Variants in TRPM4 observed in about 807,000 individuals in gnomAD.
TRPM4 encodes the protein transient receptor potential cation channel subfamily M member 4.
TRPM4 carries 124 observed loss-of-function variants against 135.6 expected under a neutral mutation model. That is an observed-to-expected ratio of 0.91 (90% CI 0.79 to 1.06). TRPM4 has a LOEUF of 1.06. Among genes scored for constraint, TRPM4 ranks in the 50% least tolerant of loss-of-function variants. The pLI, the probability that TRPM4 is intolerant of heterozygous loss-of-function variation, is 0.00. For synonymous variants in TRPM4, 745 were observed against 705.6 expected, an observed-to-expected ratio of 1.06 and a Z score of -0.88; for missense variants, 1,658 against 1,671.4, an observed-to-expected ratio of 0.99 and a Z score of 0.14.
rs754390829 is a variant in TRPM4 at position 49,171,335 on chromosome 19, C to T, written c.797-22C>T. On this transcript the variant is annotated intron_variant, in intron 6 of 24. Transcript: ENST00000252826. The surrounding 1 kb of genome is among the most constrained non-coding windows in gnomAD (Gnocchi z 4.7). The stretch of plus-strand genomic sequence containing the variant: ...CAAAGGCTGATGGGAGGTAATCAAG[C>T]CCCCTTCTCTTCTTGCCTCAGGGAC... 6.2e-7 allele frequency: 1 copy of T among 1,614,054 alleles called. No homozygotes were observed. The highest frequency in any genetic ancestry group is 1.1e-5 in the South Asian group (1 of 91,078).
chr19:49,164,260 T>C (rs1306979139), intron 2 of TRPM4, among the ~76,000 whole-genome samples: 1 of 148,748 alleles, frequency 6.7e-6, no homozygotes, highest in Non-Finnish European at 1.5e-5. Context: ...TCTCTTTCTC[T>C]TTCTTTCTCT....
chr19:49,183,321 G>GCGCC, intron 12 of TRPM4, 109 bp downstream of exon 12: 1 of 1,455,340 alleles, frequency 6.9e-7, no homozygotes, highest in South Asian at 1.2e-5. Flanking sequence ...CACCTGACAG[G>GCGCC]CGCCCCATCC....
intron 9 of TRPM4, among the ~76,000 whole-genome samples, chr19:49,180,817 C>T (rs1343880911): frequency 6.6e-6 from 1 of 151,930 alleles, no homozygotes; most frequent in African/African-American, 2.4e-5. Context: ...TCCATCTATC[C>T]ACCCTGTACA....
At position 49,169,009 on chromosome 19, in the gene TRPM4, C is replaced by CAATAAT. The variant is rs577879197; in HGVS notation, c.796+294_796+299dup. On this transcript the variant is annotated intron_variant, in intron 6 of 24. Transcript: ENST00000252826. ...TAACAGAGCAAGACCTTGTCTCTAC[C>CAATAAT]AATAATAATAATAATAATAATAATA... is the stretch of plus-strand genomic sequence containing the variant. 1.7e-3 allele frequency among the ~76,000 whole-genome samples: 249 copies of CAATAAT among 149,108 alleles called. 2 individuals carry two copies. In the South Asian group the frequency reaches 0.033, roughly 20 times the overall value.
Position 49,196,422 on chromosome 19 carries a change from T to A in TRPM4, c.2211-18T>A. 1 of 1,526,090 alleles carries A rather than the reference T, an allele frequency of 6.6e-7. No individual in the cohort carries two copies. The highest frequency in any genetic ancestry group is 8.8e-7 in the Non-Finnish European group (1 of 1,139,386). 94.5% of individuals were successfully genotyped at this position (1,526,090 alleles called of 1,614,324 possible). A position where few individuals can be genotyped will look rare whatever the true frequency, so the allele number is the denominator to read the frequency against. On this transcript the variant is annotated intron_variant, in intron 16 of 24. Coordinates refer to ENST00000252826, the MANE Select transcript of TRPM4 (RefSeq NM_017636.4). ...GGTCAGAGTGAGGCCTCCTCCCTTCTCTTCTCTTCCCCCACAGGACGGCGG... is the reference window on the plus strand; with the variant it reads ...GGTCAGAGTGAGGCCTCCTCCCTTCACTTCTCTTCCCCCACAGGACGGCGG...
intron 19 of TRPM4, among the ~76,000 whole-genome samples, chr19:49,201,290 A>G (rs1968926186): frequency 1.3e-5 from 2 of 152,142 alleles, no homozygotes; most frequent in Non-Finnish European, 2.9e-5. Context: ...GAAGTTTTTA[A>G]AAGAAGCGAA....
At chr19:49,172,759 T>C (rs1374881977) in intron 9 of TRPM4, among the ~76,000 whole-genome samples, 1 of 150,772 alleles carries the variant, frequency 6.6e-6, no homozygotes, top group Non-Finnish European at 1.5e-5. Flanking sequence ...CATTCACTCA[T>C]TCTTCCATCC....
intron 16 of TRPM4, among the ~76,000 whole-genome samples, chr19:49,194,068 T>C (rs1284228211): frequency 6.8e-6 from 1 of 148,006 alleles, no homozygotes; most frequent in Non-Finnish European, 1.5e-5. Context: ...CTACTTCTCC[T>C]CTTCATCCTC....
intron 6 of TRPM4, among the ~76,000 whole-genome samples, chr19:49,170,471 G>C (rs1324689868): frequency 1.3e-5 from 2 of 152,168 alleles, no homozygotes; most frequent in Non-Finnish European, 2.9e-5. Flanking sequence ...TTACAGGCAT[G>C]AGCCACCGCA....
Position 49,202,051 on chromosome 19 carries a change from A to C in TRPM4, c.3041A>C (p.Gln1014Pro). ...PGAQAGTCVSQYANWLVVLLL... is the reference protein window; with the variant it reads ...PGAQAGTCVSPYANWLVVLLL... Reference sequence around the variant, plus strand: ...GCCCAGGCGGGCACCTGCGTCTCCCAGTATGCCAACTGGCTGGTGGTGCTG... The same window carrying C: ...GCCCAGGCGGGCACCTGCGTCTCCCCGTATGCCAACTGGCTGGTGGTGCTG... The change falls in exon 20 of 25, where the codon CAG becomes CCG. Residue 1014 changes from glutamine to proline, a missense_variant. Gln to Pro is a moderately conservative substitution (Grantham distance 76). This residue lies in a region of TRPM4 where 1,412 missense variants were observed against 1,408.7 expected (regional missense o/e 1.00). Transcript: ENST00000252826. 6.2e-7 allele frequency: 1 copy of C among 1,613,998 alleles called. No individual in the cohort carries two copies. The highest frequency in any genetic ancestry group is 8.5e-7 in the Non-Finnish European group (1 of 1,180,020).
Position 49,167,939 on chromosome 19 carries a change from C to T in TRPM4, c.290C>T (p.Thr97Met), listed in dbSNP as rs570570457. Residue 97 changes from threonine to methionine, a missense_variant, in exon 4 of 25, where the codon ACG (threonine) becomes ATG (methionine). By Grantham distance (81) the Thr-to-Met change is moderately conservative (BLOSUM62 -1). Around this residue, in one of 3 missense-constraint regions of TRPM4, gnomAD observed 239 missense variants for 240.1 expected, o/e 1.00. Transcript: ENST00000252826. Reference sequence around the variant, plus strand: ...CAGTTCCTCCGGCTCTCTGACCGAACGGATCCAGCTGCAGTTTATAGTCTG... The same window carrying T: ...CAGTTCCTCCGGCTCTCTGACCGAATGGATCCAGCTGCAGTTTATAGTCTG... Reference protein sequence around the residue: ...HSNFLRLSDRTDPAAVYSLVT... With the variant: ...HSNFLRLSDRMDPAAVYSLVT... 4.2e-5 allele frequency: 67 copies of T among 1,613,946 alleles called. 1 individual carries two copies. The South Asian group carries it at 4.5e-4, about 11-fold the overall frequency.
intron 9 of TRPM4, among the ~76,000 whole-genome samples, chr19:49,179,029 A>G (rs1402112143): frequency 2.6e-5 from 4 of 151,148 alleles, no homozygotes; most frequent in Non-Finnish European, 4.4e-5. Flanking sequence ...AAGTGCTGGG[A>G]TTACAGGTGT....
In TRPM4 at chr19:49,200,331, ACT is replaced by A. The variant is rs1968866191; in HGVS notation, c.2678_2679del (p.Thr893SerfsTer65). On this transcript the variant is annotated frameshift_variant, in exon 18 of 25. Transcript: ENST00000252826. LOFTEE classifies it high-confidence loss of function. ...LTPGLYHLGR[T>X]VLCIDFMVFT... ...CCCGGGTTTGTACCACCTGGGCCGC[ACT>A]GTCCTCTGCATCGACTTCATGGTTT... The A allele has an allele frequency of 2.5e-6, 4 of 1,613,902 alleles. No homozygotes were observed. In the South Asian group the frequency reaches 4.4e-5, roughly 18 times the overall value.
chr19:49,183,745 G>A (rs1375827200), intron 12 of TRPM4, among the ~76,000 whole-genome samples: 1 of 144,904 alleles, frequency 6.9e-6, no homozygotes, highest in Non-Finnish European at 1.5e-5. Context: ...ATATCTCAGT[G>A]TGGATCTCTG....
chr19:49,210,581 G>C lies in TRPM4; in HGVS notation c.3329-129G>C. 1 of 1,488,440 alleles carries C rather than the reference G, an allele frequency of 6.7e-7. No individual in the cohort carries two copies. 92.2% of individuals were successfully genotyped at this position (1,488,440 alleles called of 1,614,324 possible). ...GAGGGGCAGTGCTTACGGGTGAGGGGCGGGGCATGTTCTCGAATCACCAGG... is the reference window on the plus strand; with the variant it reads ...GAGGGGCAGTGCTTACGGGTGAGGGCCGGGGCATGTTCTCGAATCACCAGG... On this transcript the variant is annotated intron_variant, in intron 21 of 24. Transcript: ENST00000252826. The surrounding 1 kb of genome is among the most constrained non-coding windows in gnomAD (Gnocchi z 4.1).
chr19:49,193,510 A>G (rs1568481535), intron 16 of TRPM4, among the ~76,000 whole-genome samples: 1 of 152,108 alleles, frequency 6.6e-6, no homozygotes, highest in Non-Finnish European at 1.5e-5. Context: ...GGTAGAGCCG[A>G]GATTTGATCC....
Position 49,196,434 on chromosome 19 carries a change from C to G in TRPM4, c.2211-6C>G. 6.5e-7 allele frequency: 1 copy of G among 1,536,020 alleles called. No individual in the cohort carries two copies. The highest frequency in any genetic ancestry group is 8.7e-7 in the Non-Finnish European group (1 of 1,144,190). ...GCCTCCTCCCTTCTCTTCTCTTCCC[C>G]CACAGGACGGCGGACCCAGCCGAGA... On this transcript the variant is annotated splice_region_variant and splice_polypyrimidine_tract_variant and intron_variant, in intron 16 of 24. Transcript: ENST00000252826.
Position 49,196,839 on chromosome 19 carries a change from G to T in TRPM4, c.2610G>T (p.Val870=). 6.3e-7 allele frequency: 1 copy of T among 1,590,948 alleles called. No individual in the cohort carries two copies. ...ACAGCTGGAACCAGTGCGACCTAGT[G>T]GCTCTCACCTGCTTCCTCCTGGGCG... ...LADSWNQCDL[V]ALTCFLLGVG... The change falls in exon 17 of 25, where the codon GTG becomes GTT. Residue 870 remains valine (V), a synonymous_variant. Coordinates refer to ENST00000252826, the MANE Select transcript of TRPM4 (RefSeq NM_017636.4).
intron 17 of TRPM4, among the ~76,000 whole-genome samples, chr19:49,197,343 TC>T (rs1968716031): frequency 1.6e-5 from 2 of 128,776 alleles, no homozygotes; most frequent in African/African-American, 8.2e-5. Context: ...TTTCTTTCTT[TC>T]TTTCTTTCTT....
Sources: gnomAD v4.1 joint callset for allele counts (sites outside exome capture counted in the v4.1 genomes callset) on GRCh38, gnomAD v4.1.1 for gene constraint, gnomAD v4.1.1 regional missense constraint, Gnocchi (gnomAD v3.1) non-coding constraint, MANE v1.5 for transcripts, NCBI Gene and HGNC (gene_info 2026-07-23, HGNC 2026-07-21) for gene names.